The following RANBP17 variants were observed in gnomAD, a reference collection of about 807,000 sequenced individuals.
RANBP17 encodes the protein RAN binding protein 17, also known as ran-binding protein 17.
In RANBP17, 158 loss-of-function variants were observed where a neutral mutation model predicts 141.2. That is an observed-to-expected ratio of 1.12 (90% CI 0.98 to 1.28). RANBP17 has a LOEUF of 1.28. RANBP17 is among the 50% of genes most tolerant of loss of function. The probability of loss-of-function intolerance (pLI) is 0.00; values close to 1 mark genes in which losing one functional copy is unlikely to be tolerated. For synonymous variants in RANBP17, 430 were observed against 450.0 expected (o/e 0.96, Z 0.56); for missense variants, 1,438 against 1,290.7 (o/e 1.11, Z -1.75).
intron 14 of RANBP17, among the ~76,000 whole-genome samples, chr5:171,094,533 G>A (rs1019336573): frequency 4.0e-5 from 6 of 151,844 alleles, no homozygotes; most frequent in African/African-American, 7.3e-5. Context: ...GATCCTCTTC[G>A]CAATATTTTC....
At chr5:171,044,215 C>T (rs1216967715) in intron 14 of RANBP17, among the ~76,000 whole-genome samples, 4 of 152,032 alleles carry the variant, frequency 2.6e-5, no homozygotes, top group Admixed American at 6.6e-5. Flanking sequence ...TTAATGCCCC[C>T]GGTGAAATCT....
intron 24 of RANBP17, among the ~76,000 whole-genome samples, chr5:171,260,442 A>G (rs563217609): frequency 6.6e-6 from 1 of 150,484 alleles, no homozygotes; most frequent in Non-Finnish European, 1.5e-5. Context: ...CACCCTGGGC[A>G]ACAGAGCAAG....
At chr5:170,989,477 A>G (rs1283830698) in intron 14 of RANBP17, among the ~76,000 whole-genome samples, 2 of 151,804 alleles carry the variant, frequency 1.3e-5, no homozygotes, top group African/African-American at 4.8e-5. Context: ...AATGAGGAAT[A>G]TTGTGGATTA....
rs564850992 is a variant in RANBP17, at chr5:170,889,257, A to T, written c.257-3130A>T. Among the ~76,000 whole-genome samples, 12 of 152,072 alleles carry T rather than the reference A, an allele frequency of 7.9e-5. 1 individual carries two copies. In the South Asian group the frequency reaches 2.5e-3, roughly 32 times the overall value. ...TCAGAGGATTTTTAGTTAAATTTTG[A>T]GGTGTGTATCGTCTCTTTCCTTTCC... On this transcript the variant is annotated intron_variant, in intron 3 of 27. Transcript: ENST00000523189.
intron 14 of RANBP17, among the ~76,000 whole-genome samples, chr5:171,101,410 A>C (rs1787153848): frequency 6.6e-6 from 1 of 152,076 alleles, no homozygotes; most frequent in African/African-American, 2.4e-5. Flanking sequence ...TCAAGGGCGA[A>C]GATTGCAACC....
intron 5 of RANBP17, among the ~76,000 whole-genome samples, chr5:170,898,746 A>G (rs927648898): frequency 5.3e-5 from 8 of 152,208 alleles, no homozygotes; most frequent in African/African-American, 1.9e-4. Context: ...ATGGCTAGCC[A>G]GTTTTCCCAA....
chr5:171,175,668 CAT>C (rs1333679770), intron 16 of RANBP17, among the ~76,000 whole-genome samples: 10 of 152,056 alleles, frequency 6.6e-5, no homozygotes, highest in Admixed American at 2.6e-4. Context: ...AGCCAACAAA[CAT>C]ATGAAAAAAA....
chr5:171,239,723 G>GT (rs1764745728), intron 22 of RANBP17, among the ~76,000 whole-genome samples: 1 of 152,186 alleles, frequency 6.6e-6, no homozygotes, highest in Non-Finnish European at 1.5e-5. Context: ...GTAGAAGGCT[G>GT]TTGCGTCTGC....
chr5:171,295,819 A>G, intron 26 of RANBP17, 68 bp from the exon 27 acceptor site: 1 of 1,565,810 alleles, frequency 6.4e-7, no homozygotes, highest in East Asian at 2.3e-5. Context: ...TGCTCTATCC[A>G]TCCCCTGCCA....
intron 14 of RANBP17, among the ~76,000 whole-genome samples, chr5:171,087,476 A>C (rs1222873039): frequency 6.6e-6 from 1 of 151,326 alleles, no homozygotes; most frequent in African/African-American, 2.4e-5. Context: ...GATGTCTATT[A>C]GGTCTGCTTG....
At chr5:171,071,853 A>C (rs1325635077) in intron 14 of RANBP17, among the ~76,000 whole-genome samples, 1 of 152,076 alleles carries the variant, frequency 6.6e-6, no homozygotes, top group East Asian at 1.9e-4. Context: ...AACACAACTC[A>C]TTAAAACTTT....
chr5:171,114,310 A>G (rs1177012814), intron 14 of RANBP17, among the ~76,000 whole-genome samples: 1 of 152,116 alleles, frequency 6.6e-6, no homozygotes, highest in East Asian at 1.9e-4. Context: ...CAGTCCAGCC[A>G]TTCTGTTAAG....
intron 1 of RANBP17, among the ~76,000 whole-genome samples, chr5:170,875,727 G>C (rs980610163): frequency 6.6e-6 from 1 of 151,990 alleles, no homozygotes; most frequent in South Asian, 2.1e-4. Flanking sequence ...ATGGTTCTGA[G>C]CTTCTGAAGC....
intron 24 of RANBP17, among the ~76,000 whole-genome samples, chr5:171,251,169 G>A (rs371280188): frequency 1.8e-4 from 28 of 152,248 alleles, no homozygotes; most frequent in African/African-American, 6.3e-4. Context: ...GCTCAGTGCA[G>A]CCTTGTGTTC....
At chr5:170,931,749 C>G (rs1773407727) in intron 12 of RANBP17, among the ~76,000 whole-genome samples, 1 of 152,104 alleles carries the variant, frequency 6.6e-6, no homozygotes, top group Non-Finnish European at 1.5e-5. Flanking sequence ...GGGCTCTATT[C>G]TGTTCCATTG....
intron 16 of RANBP17, among the ~76,000 whole-genome samples, chr5:171,173,314 G>GA (rs1417350549): frequency 2.0e-5 from 3 of 151,866 alleles, no homozygotes; most frequent in African/African-American, 7.2e-5. Context: ...TTAGGAATAA[G>GA]ATGACATTCT....
chr5:170,921,975 C>T (rs186441354), intron 11 of RANBP17, among the ~76,000 whole-genome samples: 3 of 152,104 alleles, frequency 2.0e-5, no homozygotes, highest in Non-Finnish European at 4.4e-5. Context: ...TTTTATCTAC[C>T]TTTGGTCTTT....
At chr5:171,126,398 T>C (rs1008606251) in intron 14 of RANBP17, among the ~76,000 whole-genome samples, 2 of 151,894 alleles carry the variant, frequency 1.3e-5, no homozygotes, top group African/African-American at 4.8e-5. Flanking sequence ...AACCAAATGA[T>C]GCACATCAAG....
intron 14 of RANBP17, among the ~76,000 whole-genome samples, chr5:171,090,904 C>T (rs1786208576): frequency 1.3e-5 from 2 of 152,222 alleles, no homozygotes; most frequent in South Asian, 4.1e-4. Flanking sequence ...TGTACGGAAA[C>T]ATCTGGATGC....
Sources: allele counts gnomAD v4.1 joint callset (sites outside exome capture counted in the v4.1 genomes callset), GRCh38; gene constraint gnomAD v4.1.1; transcripts MANE v1.5; gene names NCBI Gene and HGNC (gene_info 2026-07-23, HGNC 2026-07-21).